TRPM3: variants seen among roughly 807,000 people sequenced by gnomAD.
The protein encoded by TRPM3 is transient receptor potential cation channel subfamily M member 3.
Under a neutral mutation model 181.2 loss-of-function variants are expected in TRPM3, and 77 were observed. That is an observed-to-expected ratio of 0.42 (90% CI 0.35 to 0.51). The LOEUF is 0.51. Ranked by LOEUF, TRPM3 falls within the 20% of genes least tolerant of loss-of-function variation. The pLI is 0.01. For missense variants in TRPM3, 1,759 were observed against 2,196.7 expected, an observed-to-expected ratio of 0.80 and a Z score of 3.98; for synonymous variants, 745 against 796.4, an observed-to-expected ratio of 0.94 and a Z score of 1.09.
At chr9:70,623,666 G>A (rs189021755) in intron 14 of TRPM3, among the ~76,000 whole-genome samples, 26 of 152,100 alleles carry the variant, frequency 1.7e-4, no homozygotes, top group Admixed American at 8.5e-4. Flanking sequence ...AAATGCAACC[G>A]TTTTACTTAA....
intron 1 of TRPM3, among the ~76,000 whole-genome samples, chr9:71,421,222 G>T (rs1014140463): frequency 1.4e-4 from 21 of 151,754 alleles, no homozygotes. Context: ...AGGTGGGAAG[G>T]AAGGAAGGGG....
Position 71,296,817 on chromosome 9 carries a change from T to TA in TRPM3, c.183+149835dup, listed in dbSNP as rs2086302744. ...TAAAAAGAAAGAGCTGGTTTTTAGA[T>TA]ACATTTTGAAAGTAGAAGAGAAAGA... On this transcript the variant is annotated intron_variant, in intron 1 of 24. Coordinates refer to the TRPM3 transcript ENST00000357533. 2.0e-5 allele frequency among the ~76,000 whole-genome samples: 3 copies of TA among 152,186 alleles called. No individual in the cohort carries two copies. In the South Asian group the frequency reaches 6.2e-4, roughly 32 times the overall value.
At chr9:71,134,866 G>A (rs1416200099) in intron 1 of TRPM3, among the ~76,000 whole-genome samples, 2 of 152,160 alleles carry the variant, frequency 1.3e-5, no homozygotes, top group Non-Finnish European at 2.9e-5. Context: ...AGAAAATAGG[G>A]AATATCTCTT....
chr9:71,233,547 A>G (rs1379795102), intron 1 of TRPM3, among the ~76,000 whole-genome samples: 1 of 152,226 alleles, frequency 6.6e-6, no homozygotes, highest in African/African-American at 2.4e-5. Context: ...AAAAATCATT[A>G]TCTTATACAA....
At chr9:70,649,779 C>G (rs938292030) in intron 9 of TRPM3, among the ~76,000 whole-genome samples, 1 of 152,134 alleles carries the variant, frequency 6.6e-6, no homozygotes, top group African/African-American at 2.4e-5. Context: ...GAACTTAGAA[C>G]TACCATTCAA....
At chr9:71,412,212 C>T (rs1047031888) in intron 1 of TRPM3, among the ~76,000 whole-genome samples, 8 of 152,046 alleles carry the variant, frequency 5.3e-5, no homozygotes, top group Non-Finnish European at 8.8e-5. Context: ...ACTAAAACAC[C>T]AAAAGCAATG....
chr9:71,034,548 G>C (rs1223817945), intron 1 of TRPM3, among the ~76,000 whole-genome samples: 1 of 152,070 alleles, frequency 6.6e-6, no homozygotes, highest in Non-Finnish European at 1.5e-5. Context: ...GTGTAAGGGT[G>C]GGGTGTGCAG....
rs1590082741 is a variant in TRPM3, at chr9:70,671,265, G to A, written c.1345+10241C>T. On this transcript the variant is annotated intron_variant, in intron 9 of 25. Coordinates refer to ENST00000677713, the MANE Select transcript of TRPM3 (RefSeq NM_001366145.2). ...ATGAGGTCAAACAATTTGCAGTCAG[G>A]GAGTAGGGATGCTTTGAATATGGCC... 2.6e-5 allele frequency among the ~76,000 whole-genome samples: 4 copies of A among 152,182 alleles called. No homozygotes were observed. In the South Asian group the frequency reaches 8.3e-4, roughly 32 times the overall value.
intron 1 of TRPM3, among the ~76,000 whole-genome samples, chr9:71,337,273 A>G (rs2090625808): frequency 6.6e-6 from 1 of 152,232 alleles, no homozygotes; most frequent in African/African-American, 2.4e-5. Flanking sequence ...TGGGCAAAGG[A>G]TATGAACAGA....
intron 1 of TRPM3, among the ~76,000 whole-genome samples, chr9:71,268,310 G>T (rs2083531871): frequency 6.6e-6 from 1 of 151,828 alleles, no homozygotes. Flanking sequence ...AACCCAGGAG[G>T]CAGAGGTTGC....
Position 71,071,140 on chromosome 9 carries a change from T to C in TRPM3, c.177+50038A>G, listed in dbSNP as rs186624231. ...CCCCAGTATGTAGGTATGAGTTAGT[T>C]TGAGCCAATGAGATGTGAGTGGCAG... On this transcript the variant is annotated intron_variant, in intron 1 of 25. Coordinates refer to ENST00000677713, the MANE Select transcript of TRPM3 (RefSeq NM_001366145.2). Among the ~76,000 whole-genome samples the C allele has an allele frequency of 2.0e-3, 310 of 152,206 alleles. 2 individuals are homozygous for C. The highest frequency in any genetic ancestry group is 6.8e-3 in the African/African-American group (282 of 41,530).
At chr9:70,977,133 A>G (rs2097311539) in intron 1 of TRPM3, among the ~76,000 whole-genome samples, 1 of 151,912 alleles carries the variant, frequency 6.6e-6, no homozygotes, top group African/African-American at 2.4e-5. Flanking sequence ...AACTGTTTTT[A>G]TTTATTTATT....
chr9:71,343,784 A>T (rs1263309601), intron 1 of TRPM3, among the ~76,000 whole-genome samples: 1 of 152,142 alleles, frequency 6.6e-6, no homozygotes, highest in East Asian at 1.9e-4. Flanking sequence ...GAATCTTTGA[A>T]GAAATTGATT....
chr9:70,684,061 A>G (rs1244980377), intron 8 of TRPM3, among the ~76,000 whole-genome samples: 1 of 152,242 alleles, frequency 6.6e-6, no homozygotes, highest in Non-Finnish European at 1.5e-5. Flanking sequence ...TTCCTTAACC[A>G]TCTGACTTGT....
At chr9:70,915,758 C>G (rs1315209220) in intron 1 of TRPM3, among the ~76,000 whole-genome samples, 3 of 150,450 alleles carry the variant, frequency 2.0e-5, no homozygotes, top group African/African-American at 7.3e-5. Flanking sequence ...CTCAAAAAGG[C>G]AAATCTAAGA....
intron 1 of TRPM3, among the ~76,000 whole-genome samples, chr9:71,135,768 T>C (rs934576705): frequency 6.6e-6 from 1 of 151,880 alleles, no homozygotes; most frequent in Non-Finnish European, 1.5e-5. Flanking sequence ...TTTGAGCATA[T>C]GCTTATCTTC....
intron 1 of TRPM3, among the ~76,000 whole-genome samples, chr9:70,921,942 A>AC (rs1554770509): frequency 0.019 from 2,665 of 139,478 alleles, 37 homozygotes; most frequent in Middle Eastern, 0.046. Flanking sequence ...CACACAAACA[A>AC]ACACACACAC....
intron 1 of TRPM3, among the ~76,000 whole-genome samples, chr9:71,086,521 T>C (rs1265643531): frequency 6.6e-6 from 1 of 151,950 alleles, no homozygotes; most frequent in Non-Finnish European, 1.5e-5. Flanking sequence ...CCATTCATGC[T>C]GAAAATCTAA....
intron 1 of TRPM3, among the ~76,000 whole-genome samples, chr9:71,250,008 CA>C (rs1554854453): frequency 1.3e-5 from 2 of 152,164 alleles, no homozygotes; most frequent in Non-Finnish European, 2.9e-5. Flanking sequence ...GTCTTTCATG[CA>C]GTCCTTAATT....
Sources: allele counts gnomAD v4.1 joint callset (sites outside exome capture counted in the v4.1 genomes callset), GRCh38; gene constraint gnomAD v4.1.1; transcripts MANE v1.5; gene names NCBI Gene and HGNC (gene_info 2026-07-23, HGNC 2026-07-21).